The following ADAMTSL3 variants were observed in gnomAD, a reference collection of about 807,000 sequenced individuals.
ADAMTSL3 encodes the protein ADAMTS-like protein 3.
Under a neutral mutation model 201.7 loss-of-function variants are expected in ADAMTSL3, and 128 were observed. The observed-to-expected ratio is 0.63, with a 90% confidence interval of 0.55 to 0.73. ADAMTSL3 has a LOEUF of 0.73. Ranked by LOEUF, ADAMTSL3 falls within the 30% of genes least tolerant of loss-of-function variation. The probability of loss-of-function intolerance (pLI) is 0.00; values close to 1 mark genes in which losing one functional copy is unlikely to be tolerated. For synonymous variants in ADAMTSL3, 738 were observed against 748.4 expected (o/e 0.99, Z 0.23); for missense variants, 1,990 against 2,119.6 (o/e 0.94, Z 1.20).
At chr15:83,694,394 C>G (rs1006840395) in intron 2 of ADAMTSL3, 1 of 152,002 alleles carries the variant, frequency 6.6e-6, no homozygotes, top group Admixed American at 6.5e-5. Flanking sequence ...TACAATTTAT[C>G]AAGATTTGAG....
At chr15:83,946,249 C>T (rs2066652894) in intron 19 of ADAMTSL3, among the ~76,000 whole-genome samples, 1 of 152,228 alleles carries the variant, frequency 6.6e-6, no homozygotes, top group Non-Finnish European at 1.5e-5. Flanking sequence ...CCACTTTCCT[C>T]CGTGTCCGCT....
intron 19 of ADAMTSL3, among the ~76,000 whole-genome samples, chr15:83,958,791 A>T (rs2066903882): frequency 6.6e-6 from 1 of 152,184 alleles, no homozygotes; most frequent in South Asian, 2.1e-4. Flanking sequence ...TAACAGGAGA[A>T]TGTAAAATGA....
intron 2 of ADAMTSL3, among the ~76,000 whole-genome samples, chr15:83,703,758 T>C (rs1209589685): frequency 7.9e-5 from 12 of 152,166 alleles, no homozygotes; most frequent in African/African-American, 2.9e-4. Context: ...GGGTATGAGC[T>C]TTCCATGAAC....
At chr15:83,857,428 A>T (rs2064762099) in intron 7 of ADAMTSL3, among the ~76,000 whole-genome samples, 1 of 152,124 alleles carries the variant, frequency 6.6e-6, no homozygotes, top group South Asian at 2.1e-4. Context: ...TTCAATGTGT[A>T]TATTGGCAGG....
Position 84,036,920 on chromosome 15 carries a change from C to CAAA in ADAMTSL3, c.4904_4905insAAA (p.Lys1635dup). On this transcript the variant is annotated inframe_insertion, in exon 29 of 30. Transcript: ENST00000286744. ...ACACAAGGAGTTGCAAACCTGTGGC[C>CAAA]AAGAGACACTGTGTACAGAAAAAGA... 1 of 1,614,096 alleles carries CAAA rather than the reference C, an allele frequency of 6.2e-7. No individual in the cohort carries two copies. The highest frequency in any genetic ancestry group is 8.5e-7 in the Non-Finnish European group (1 of 1,180,018).
At chr15:83,664,096 G>A (rs986348607) in intron 2 of ADAMTSL3, among the ~76,000 whole-genome samples, 7 of 152,146 alleles carry the variant, frequency 4.6e-5, no homozygotes, top group African/African-American at 1.2e-4. Flanking sequence ...GTCTCATGAC[G>A]ATGTCGTCTC....
chr15:83,822,684 G>C (rs1423026735), intron 6 of ADAMTSL3, among the ~76,000 whole-genome samples: 1 of 150,438 alleles, frequency 6.6e-6, no homozygotes, highest in Non-Finnish European at 1.5e-5. Flanking sequence ...GATGGCGGCC[G>C]GGCAGAGACG....
chr15:83,838,567 A>G (rs2064320720), intron 7 of ADAMTSL3, among the ~76,000 whole-genome samples: 1 of 152,204 alleles, frequency 6.6e-6, no homozygotes, highest in African/African-American at 2.4e-5. Flanking sequence ...GACCATTTAT[A>G]CTTTTTAATT....
At chr15:83,891,200 A>C in intron 11 of ADAMTSL3, 129 bp from the exon 12 acceptor site, 1 of 740,012 alleles carries the variant, frequency 1.4e-6, no homozygotes, top group Non-Finnish European at 2.2e-6. Flanking sequence ...ATGGTTGATA[A>C]CACTTGATAT....
rs565965726 is a variant in ADAMTSL3, at chr15:83,974,695, T to A, written c.2644+4058T>A. ...TTCATTCTCAAAGTGCTGTTAGAAA[T>A]CTACCTATCTTGGTTTCCAATCAGG... On this transcript the variant is annotated intron_variant, in intron 20 of 29. Transcript: ENST00000286744. Among the ~76,000 whole-genome samples, 228 of 152,360 alleles carry A rather than the reference T, an allele frequency of 1.5e-3. 2 individuals carry two copies. The highest frequency in any genetic ancestry group is 5.9e-3 in the Admixed American group (91 of 15,306).
At chr15:83,665,358 C>T (rs984766837) in intron 2 of ADAMTSL3, among the ~76,000 whole-genome samples, 13 of 151,950 alleles carry the variant, frequency 8.6e-5, no homozygotes, top group African/African-American at 2.2e-4. Flanking sequence ...GTCTCACCTT[C>T]GGGGGAAGGT....
chr15:84,010,292 G>C (rs1398214739), intron 23 of ADAMTSL3, among the ~76,000 whole-genome samples: 1 of 152,156 alleles, frequency 6.6e-6, no homozygotes, highest in Non-Finnish European at 1.5e-5. Flanking sequence ...TTCCTAGCTA[G>C]TATAGCCCTT....
At position 83,854,471 on chromosome 15, in the gene ADAMTSL3, A is replaced by G. The variant is rs562394511; in HGVS notation, c.728-4295A>G. On this transcript the variant is annotated intron_variant, in intron 7 of 29. Coordinates refer to ENST00000286744, the MANE Select transcript of ADAMTSL3 (RefSeq NM_207517.3). Reference sequence around the variant, plus strand: ...AGTGATGCGTGATTTATGTTGCATCATATCAGGAAGTTGATGATGTCAGCT... The same window carrying G: ...AGTGATGCGTGATTTATGTTGCATCGTATCAGGAAGTTGATGATGTCAGCT... 3.3e-5 allele frequency among the ~76,000 whole-genome samples: 5 copies of G among 152,360 alleles called. No individual in the cohort carries two copies. The East Asian group carries it at 9.6e-4, about 29-fold the overall frequency.
chr15:83,909,451 G>A (rs554542273), intron 15 of ADAMTSL3, among the ~76,000 whole-genome samples: 22 of 152,102 alleles, frequency 1.4e-4, no homozygotes, highest in Admixed American at 7.9e-4. Flanking sequence ...TGTTTCATGC[G>A]TTGGAATCTC....
chr15:83,850,056 C>A (rs1567188108), intron 7 of ADAMTSL3, among the ~76,000 whole-genome samples: 1 of 151,972 alleles, frequency 6.6e-6, no homozygotes, highest in African/African-American at 2.4e-5. Flanking sequence ...CATTTATGCA[C>A]CATAATACAA....
Position 83,923,761 on chromosome 15 carries a change from G to T in ADAMTSL3, c.1988-143G>T. Reference sequence around the variant, plus strand: ...ATAATGCAAAGTTGTTTGTTCCCAGGTGTACCCTGAAATGCAGCCTGCAGC... The same window carrying T: ...ATAATGCAAAGTTGTTTGTTCCCAGTTGTACCCTGAAATGCAGCCTGCAGC... On this transcript the variant is annotated intron_variant, in intron 16 of 29. Transcript: ENST00000286744. 2 of 937,512 alleles carry T rather than the reference G, an allele frequency of 2.1e-6. 1 individual carries two copies. Among genetic ancestry groups the T allele is most frequent in the South Asian group, 3.6e-5 (2 of 54,922 alleles). 58.1% of individuals were successfully genotyped at this position (937,512 alleles called of 1,614,324 possible). A position where few individuals can be genotyped will look rare whatever the true frequency, so the allele number is the denominator to read the frequency against.
In ADAMTSL3 at chr15:83,982,642, G is replaced by A. The variant is rs755864827; in HGVS notation, c.3014G>A (p.Arg1005His). The change falls in exon 21 of 30, where the codon CGC (arginine) becomes CAC (histidine). Residue 1005 changes from arginine (R) to histidine (H), a missense_variant. Physicochemically the swap from Arg to His is conservative, Grantham distance 29 (BLOSUM62 0). Coordinates refer to ENST00000286744, the MANE Select transcript of ADAMTSL3 (RefSeq NM_207517.3). ...LIGTDNRLIA[R>H]PALREPMREY... ...GGTACTGACAACCGGCTCATCGCAC[G>A]CCCAGCCCTCAGGGAGCCTATGAGG... The A allele has an allele frequency of 1.4e-5, 22 of 1,614,036 alleles. No homozygotes were observed. Among genetic ancestry groups the A allele is most frequent in the Middle Eastern group, 1.6e-4 (1 of 6,084 alleles).
chr15:83,706,207 G>C (rs950902297), intron 3 of ADAMTSL3, among the ~76,000 whole-genome samples: 1 of 152,160 alleles, frequency 6.6e-6, no homozygotes, highest in Admixed American at 6.5e-5. Context: ...AAAATACCAA[G>C]CTATGCATTT....
chr15:83,719,711 A>G (rs893160477), intron 3 of ADAMTSL3, among the ~76,000 whole-genome samples: 4 of 152,158 alleles, frequency 2.6e-5, no homozygotes, highest in Non-Finnish European at 4.4e-5. Context: ...ACCTTTATGT[A>G]TGTTTGAAAT....
Sources: gnomAD v4.1 joint callset for allele counts (sites outside exome capture counted in the v4.1 genomes callset) on GRCh38, gnomAD v4.1.1 for gene constraint, MANE v1.5 for transcripts, NCBI Gene and HGNC (gene_info 2026-07-23, HGNC 2026-07-21) for gene names.